Variants in ESRRB observed in about 807,000 individuals in gnomAD.
The protein encoded by ESRRB is estrogen related receptor beta, also known as steroid hormone receptor ERR2.
ESRRB carries 16 observed loss-of-function variants against 46.0 expected under a neutral mutation model. That is an observed-to-expected ratio of 0.35 (90% CI 0.24 to 0.53). The LOEUF (loss-of-function observed/expected upper bound fraction) is 0.53, where lower values mean the gene tolerates loss of function less well. ESRRB is among the 20% of genes least tolerant of loss of function. The pLI, the probability that ESRRB is intolerant of heterozygous loss-of-function variation, is 0.93. For missense variants in ESRRB, 488 were observed against 607.4 expected, an observed-to-expected ratio of 0.80 and a Z score of 2.07; for synonymous variants, 246 against 259.6, an observed-to-expected ratio of 0.95 and a Z score of 0.50.
chr14:76,355,929 A>T (rs532503071), intron 1 of ESRRB, among the ~76,000 whole-genome samples: 12 of 152,258 alleles, frequency 7.9e-5, no homozygotes, highest in Admixed American at 7.8e-4. Context: ...AGAGGATCAG[A>T]TGACCCTCTT....
intron 1 of ESRRB, among the ~76,000 whole-genome samples, chr14:76,400,934 G>T (rs1885915185): frequency 6.6e-6 from 1 of 152,222 alleles, no homozygotes; most frequent in Non-Finnish European, 1.5e-5. Context: ...AGCACCGAGA[G>T]TGTGGTCCTC....
At chr14:76,387,760 C>T (rs1026711037) in intron 1 of ESRRB, among the ~76,000 whole-genome samples, 1 of 152,214 alleles carries the variant, frequency 6.6e-6, no homozygotes, top group African/African-American at 2.4e-5. Context: ...AGATGCTCTT[C>T]TCCAAGCCAC....
intron 1 of ESRRB, among the ~76,000 whole-genome samples, chr14:76,419,646 G>A (rs112213510): frequency 1.2e-4 from 18 of 152,312 alleles, no homozygotes; most frequent in African/African-American, 4.3e-4. Context: ...GGATGGCGGG[G>A]AGGTTGTGAC....
At chr14:76,490,562 G>A (rs927257764) in intron 5 of ESRRB, among the ~76,000 whole-genome samples, 5 of 152,198 alleles carry the variant, frequency 3.3e-5, no homozygotes, top group African/African-American at 1.2e-4. Context: ...TGGAGAAGTT[G>A]CATGGTTTTC....
At chr14:76,387,347 C>T (rs1885276668) in intron 1 of ESRRB, among the ~76,000 whole-genome samples, 1 of 152,188 alleles carries the variant, frequency 6.6e-6, no homozygotes, top group Non-Finnish European at 1.5e-5. Context: ...AGCTCTAGAG[C>T]CCCCTACAGG....
intron 1 of ESRRB, among the ~76,000 whole-genome samples, chr14:76,318,348 C>CG (rs1340680828): frequency 6.6e-6 from 1 of 152,188 alleles, no homozygotes; most frequent in East Asian, 1.9e-4. Flanking sequence ...CCTTCACCTG[C>CG]CGAGTGGGGC....
intron 1 of ESRRB, among the ~76,000 whole-genome samples, chr14:76,417,871 A>G (rs1886771585): frequency 6.6e-6 from 1 of 151,576 alleles, no homozygotes; most frequent in South Asian, 2.1e-4. Context: ...CCTCGTGAGG[A>G]CAGGTGGGCG....
In ESRRB at chr14:76,474,816, C is replaced by CAAACAAAACA. The variant is rs138037395; in HGVS notation, c.578-7172_578-7163dup. Reference sequence around the variant, plus strand: ...TGGGTGACAAACTGCGACCCTGTCTCAAACAAAACAAAACAAAACAAAACA... The same window carrying CAAACAAAACA: ...TGGGTGACAAACTGCGACCCTGTCTCAAACAAAACAAAACAAAACAAAACAAAACAAAACA... On this transcript the variant is annotated intron_variant, in intron 3 of 6. Coordinates refer to ENST00000644823, the MANE Select transcript of ESRRB (RefSeq NM_001379180.1). 3.4e-3 allele frequency among the ~76,000 whole-genome samples: 512 copies of CAAACAAAACA among 149,440 alleles called. 5 individuals are homozygous for CAAACAAAACA. Among genetic ancestry groups the CAAACAAAACA allele is most frequent in the African/African-American group, 0.01 (424 of 40,572 alleles).
At chr14:76,332,830 ATATATT>A (rs1884049463) in intron 1 of ESRRB, among the ~76,000 whole-genome samples, 1 of 22,134 alleles carries the variant, frequency 4.5e-5, no homozygotes, top group Non-Finnish European at 8.5e-5. Flanking sequence ...TTATATATTT[ATATATT>A]ATATATTTAT....
In ESRRB at chr14:76,386,256, C is replaced by A. The variant is rs1015293095; in HGVS notation, c.50+9805C>A. ...GGGCTGTCCAGTAAAATACAGGATA[C>A]CCAGTTAAATGTGAATTTTACATAA... is the stretch of plus-strand genomic sequence containing the variant. On this transcript the variant is annotated intron_variant, in intron 1 of 6. Coordinates refer to ENST00000644823, the MANE Select transcript of ESRRB (RefSeq NM_001379180.1). Among the ~76,000 whole-genome samples, 25 of 152,004 alleles carry A rather than the reference C, an allele frequency of 1.6e-4. No homozygotes were observed. In the South Asian group the frequency reaches 2.7e-3, roughly 16 times the overall value.
At chr14:76,438,035 G>T (rs1887749440) in intron 1 of ESRRB, among the ~76,000 whole-genome samples, 1 of 152,150 alleles carries the variant, frequency 6.6e-6, no homozygotes, top group African/African-American at 2.4e-5. Context: ...GGGTTAGAAT[G>T]CTCCCTCAAG....
chr14:76,435,089 C>T (rs1566896566), intron 1 of ESRRB, among the ~76,000 whole-genome samples: 2 of 152,074 alleles, frequency 1.3e-5, no homozygotes, highest in South Asian at 2.1e-4. Context: ...TAAGATGGCA[C>T]GGAAGAAGGT....
At chr14:76,338,001 C>T (rs1174413627) in intron 1 of ESRRB, among the ~76,000 whole-genome samples, 4 of 152,180 alleles carry the variant, frequency 2.6e-5, no homozygotes, top group South Asian at 4.1e-4. Flanking sequence ...GTTTTATTCC[C>T]GAGCTGCCTC....
At chr14:76,343,642 G>T (rs1884216716) in intron 1 of ESRRB, among the ~76,000 whole-genome samples, 1 of 152,214 alleles carries the variant, frequency 6.6e-6, no homozygotes, top group African/African-American at 2.4e-5. Flanking sequence ...CTCCACGTGG[G>T]CCCCTCCACG....
In ESRRB at chr14:76,358,389, AAGAAAGAAAGAAAG is replaced by A. The variant is rs1884420658; in HGVS notation, c.2+47475_2+47488del. On this transcript the variant is annotated intron_variant, in intron 1 of 6. Transcript: ENST00000512784. ...AAAGAAAGAAAGAAAGAAAGAAAGA[AAGAAAGAAAGAAAG>A]AAAGAAAGAAAAGAAAAGAAAAAGA... Among the ~76,000 whole-genome samples, 6 of 105,794 alleles carry A rather than the reference AAGAAAGAAAGAAAG, an allele frequency of 5.7e-5. 1 individual carries two copies. Among genetic ancestry groups the A allele is most frequent in the African/African-American group, 1.0e-4 (3 of 28,680 alleles). 69.4% of individuals were successfully genotyped at this position (105,794 alleles called of 152,430 possible).
At chr14:76,434,488 CA>C (rs948462681) in intron 1 of ESRRB, among the ~76,000 whole-genome samples, 6 of 148,586 alleles carry the variant, frequency 4.0e-5, no homozygotes, top group Non-Finnish European at 6.0e-5. Flanking sequence ...CTGTCTCTAC[CA>C]AAAAAAAACA....
At chr14:76,339,848 A>T (rs1430077476) in intron 1 of ESRRB, among the ~76,000 whole-genome samples, 2 of 152,060 alleles carry the variant, frequency 1.3e-5, no homozygotes, top group East Asian at 3.9e-4. Flanking sequence ...GGACATATTG[A>T]TTGGTTTGTA....
intron 1 of ESRRB, among the ~76,000 whole-genome samples, chr14:76,404,976 C>T (rs1050098696): frequency 3.3e-5 from 5 of 152,180 alleles, no homozygotes; most frequent in East Asian, 1.9e-4. Flanking sequence ...CTGGTTGCAT[C>T]GTTTTCTAAA....
At chr14:76,380,998 C>A (rs1884989950) in intron 1 of ESRRB, among the ~76,000 whole-genome samples, 1 of 152,166 alleles carries the variant, frequency 6.6e-6, no homozygotes, top group Non-Finnish European at 1.5e-5. Context: ...GCACTGGTGA[C>A]CCCTGATTGG....
Sources: gnomAD v4.1 joint callset for allele counts (sites outside exome capture counted in the v4.1 genomes callset) on GRCh38, gnomAD v4.1.1 for gene constraint, MANE v1.5 for transcripts, NCBI Gene and HGNC (gene_info 2026-07-23, HGNC 2026-07-21) for gene names.